The following SDK2 variants were observed in gnomAD, a reference collection of about 807,000 sequenced individuals.
The protein encoded by SDK2 is sidekick cell adhesion molecule 2, also known as protein sidekick-2.
A neutral mutation model predicts 253.9 loss-of-function variants in SDK2; 105 were observed. The observed-to-expected ratio is 0.41, with a 90% CI of 0.35 to 0.49. The LOEUF (loss-of-function observed/expected upper bound fraction) is 0.49. Ranked by LOEUF, SDK2 falls within the 20% of genes least tolerant of loss-of-function variation. The probability of loss-of-function intolerance (pLI) is 0.06; values close to 1 mark genes in which losing one functional copy is unlikely to be tolerated. For missense variants in SDK2, 2,608 were observed against 3,003.0 expected (o/e 0.87, Z 3.07); for synonymous variants, 1,249 against 1,234.9 (o/e 1.01, Z -0.24).
At position 73,481,258 on chromosome 17, in the gene SDK2, G is replaced by A. The variant is rs1331767013; in HGVS notation, c.225-9040C>T. Reference sequence around the variant, plus strand: ...GATAGGGAAGGATTCTGTGTCCCTCGGAGGAGGGGGGACTTGGGCACAGTG... The same window carrying A: ...GATAGGGAAGGATTCTGTGTCCCTCAGAGGAGGGGGGACTTGGGCACAGTG... On this transcript the variant is annotated intron_variant, in intron 2 of 44. Coordinates refer to ENST00000392650, the MANE Select transcript of SDK2 (RefSeq NM_001144952.2). The surrounding 1 kb of genome is among the most constrained non-coding windows in gnomAD (Gnocchi z 4.5). Among the ~76,000 whole-genome samples, 5 of 152,144 alleles carry A rather than the reference G, an allele frequency of 3.3e-5. No individual in the cohort carries two copies. The highest frequency in any genetic ancestry group is 1.9e-4 in the East Asian group (1 of 5,188).
rs369427323 is a variant in SDK2 at position 73,384,676 on chromosome 17, TG to T, written c.4570-666del. 2.4e-3 allele frequency among the ~76,000 whole-genome samples: 361 copies of T among 152,242 alleles called. 1 individual carries two copies. Among genetic ancestry groups the T allele is most frequent in the Non-Finnish European group, 4.0e-3 (275 of 68,004 alleles). The stretch of plus-strand genomic sequence containing the variant: ...CTCTACTAAAAATATAAAAATTAGC[TG>T]GGTGTGGTGGCATGTGCCTGTAGTC... On this transcript the variant is annotated intron_variant, in intron 32 of 44. Transcript: ENST00000392650.
intron 30 of SDK2, among the ~76,000 whole-genome samples, 163 bp downstream of exon 30, chr17:73,387,673 G>A (rs149651937): frequency 6.6e-4 from 100 of 152,354 alleles, no homozygotes; most frequent in Non-Finnish European, 1.2e-3. Context: ...GCTGATTTGC[G>A]AGGGTGAGAG....
intron 1 of SDK2, among the ~76,000 whole-genome samples, chr17:73,599,954 G>C (rs1009352901): frequency 1.4e-4 from 22 of 152,378 alleles, no homozygotes; most frequent in African/African-American, 5.3e-4. Flanking sequence ...GTCAAAGTAT[G>C]TGACTGCTGT....
chr17:73,477,852 G>A (rs985963043), intron 2 of SDK2, among the ~76,000 whole-genome samples: 18 of 152,182 alleles, frequency 1.2e-4, no homozygotes, highest in African/African-American at 3.1e-4. Context: ...GAACAGTGAC[G>A]GTGGCTGGGT....
At chr17:73,398,488 G>A (rs958048920) in intron 22 of SDK2, 59 bp from the exon 23 acceptor site, 97 of 1,443,280 alleles carry the variant, frequency 6.7e-5, no homozygotes, top group Non-Finnish European at 8.7e-5. Flanking sequence ...GGGGTGCTCC[G>A]AGCCCCAGTA....
At chr17:73,597,524 C>T (rs1424294252) in intron 1 of SDK2, among the ~76,000 whole-genome samples, 2 of 152,202 alleles carry the variant, frequency 1.3e-5, no homozygotes, top group Non-Finnish European at 2.9e-5. Context: ...ATGGACATTA[C>T]CGTCCTGTCT....
At chr17:73,526,613 G>A (rs1036325860) in intron 1 of SDK2, among the ~76,000 whole-genome samples, 17 of 151,896 alleles carry the variant, frequency 1.1e-4, no homozygotes, top group African/African-American at 2.9e-4. Context: ...GATTTTGAGC[G>A]TGTGTGTGTG....
At chr17:73,638,806 C>CTTTTTTTTTTTTTTTTTT (rs1223522657) in intron 1 of SDK2, among the ~76,000 whole-genome samples, 1 of 138,992 alleles carries the variant, frequency 7.2e-6, no homozygotes, top group Non-Finnish European at 1.6e-5. Context: ...AGATAACAGT[C>CTTTTTTTTTTTTTTTTTT]TTTTTTTTTT....
At chr17:73,528,532 G>C (rs1390812084) in intron 1 of SDK2, among the ~76,000 whole-genome samples, 1 of 152,152 alleles carries the variant, frequency 6.6e-6, no homozygotes, top group Non-Finnish European at 1.5e-5. Context: ...ATTCACACTT[G>C]GGGCCGGTCA....
At chr17:73,409,817 T>TTC (rs915109554) in intron 18 of SDK2, among the ~76,000 whole-genome samples, 49 of 132,966 alleles carry the variant, frequency 3.7e-4, no homozygotes, top group African/African-American at 1.4e-3. Context: ...AAATAATACA[T>TTC]TCTCTCTCTC....
intron 1 of SDK2, among the ~76,000 whole-genome samples, chr17:73,509,810 G>A (rs372947901): frequency 1.4e-5 from 2 of 144,340 alleles, no homozygotes; most frequent in Non-Finnish European, 3.0e-5. Context: ...TGAGGCAGGA[G>A]AATCGCTTAA....
intron 2 of SDK2, among the ~76,000 whole-genome samples, chr17:73,480,176 T>G (rs535650248): frequency 6.6e-6 from 1 of 152,290 alleles, no homozygotes; most frequent in Admixed American, 6.5e-5. Flanking sequence ...AGAGAGAAAG[T>G]AACTTACCCC....
intron 3 of SDK2, among the ~76,000 whole-genome samples, chr17:73,469,990 G>GCACACACACACACA (rs1555585147): frequency 9.5e-6 from 1 of 105,612 alleles, no homozygotes; most frequent in African/African-American, 3.6e-5. Flanking sequence ...CTGCGCGCGC[G>GCACACACACACACA]CGCACACACA....
intron 37 of SDK2, among the ~76,000 whole-genome samples, chr17:73,366,019 T>C (rs1010405863): frequency 2.0e-5 from 3 of 152,068 alleles, no homozygotes; most frequent in Admixed American, 1.3e-4. Flanking sequence ...GCTCCCCTGA[T>C]GGGGAGGACA....
Position 73,616,047 on chromosome 17 carries a change from A to G in SDK2, c.64+27978T>C, listed in dbSNP as rs1377326625. ...CATATACACATGAACACACATACAC[A>G]CACGTACACACACATACATACTTCT... is the stretch of plus-strand genomic sequence containing the variant. On this transcript the variant is annotated intron_variant, in intron 1 of 44. Coordinates refer to ENST00000392650, the MANE Select transcript of SDK2 (RefSeq NM_001144952.2). This position sits in a 1 kb window ranked among gnomAD's most constrained non-coding sequence, Gnocchi z 5.2. Among the ~76,000 whole-genome samples the G allele has an allele frequency of 6.6e-6, 1 of 152,120 alleles. No individual in the cohort carries two copies. Among genetic ancestry groups the G allele is most frequent in the African/African-American group, 2.4e-5 (1 of 41,416 alleles).
chr17:73,360,447 G>A (rs867213694), intron 39 of SDK2, among the ~76,000 whole-genome samples: 2 of 152,316 alleles, frequency 1.3e-5, no homozygotes, highest in Middle Eastern at 3.4e-3. Context: ...GGCAGAGGAG[G>A]AGATGGGATT....
intron 4 of SDK2, among the ~76,000 whole-genome samples, chr17:73,451,144 T>C (rs1423230255): frequency 6.6e-6 from 1 of 152,236 alleles, no homozygotes; most frequent in Non-Finnish European, 1.5e-5. Flanking sequence ...CCTTTCTCTC[T>C]GGCAGAGCAG....
At chr17:73,375,439 C>T (rs537548228) in intron 36 of SDK2, among the ~76,000 whole-genome samples, 1 of 151,782 alleles carries the variant, frequency 6.6e-6, no homozygotes, top group East Asian at 1.9e-4. Context: ...TAGAGACAGG[C>T]TTTTACCATG....
intron 1 of SDK2, among the ~76,000 whole-genome samples, chr17:73,636,680 C>CA (rs561026344): frequency 0.012 from 586 of 50,950 alleles, 21 homozygotes; most frequent in East Asian, 0.032. Context: ...GACTCTGTCT[C>CA]AAAAAAAAAA....
Sources: gnomAD v4.1 joint callset for allele counts (sites outside exome capture counted in the v4.1 genomes callset) on GRCh38, gnomAD v4.1.1 for gene constraint, Gnocchi (gnomAD v3.1) non-coding constraint, MANE v1.5 for transcripts, NCBI Gene and HGNC (gene_info 2026-07-23, HGNC 2026-07-21) for gene names.